Variants in DLGAP1 observed in about 807,000 individuals in gnomAD.
DLGAP1 encodes DLG associated protein 1.
In DLGAP1, 11 loss-of-function variants were observed where a neutral mutation model predicts 90.8. The observed-to-expected ratio is 0.12, with a 90% CI of 0.08 to 0.20. The LOEUF is 0.20. DLGAP1 is among the 10% of genes least tolerant of loss of function. The pLI, the probability that DLGAP1 is intolerant of heterozygous loss-of-function variation, is 1.00. For missense variants in DLGAP1, 1,050 were observed against 1,333.8 expected (o/e 0.79, Z 3.31); for synonymous variants, 558 against 540.7 (o/e 1.03, Z -0.44).
At chr18:4,333,623 A>T (rs1428896445) in intron 1 of DLGAP1, among the ~76,000 whole-genome samples, 2 of 141,106 alleles carry the variant, frequency 1.4e-5, no homozygotes, top group African/African-American at 5.3e-5. Context: ...TATATATATA[A>T]TTTTTTTTTT....
At chr18:3,956,056 C>T (rs2073077292) in intron 3 of DLGAP1, among the ~76,000 whole-genome samples, 1 of 152,094 alleles carries the variant, frequency 6.6e-6, no homozygotes, top group Non-Finnish European at 1.5e-5. Flanking sequence ...TATATATCTA[C>T]CAATCTAAGA....
intron 2 of DLGAP1, among the ~76,000 whole-genome samples, chr18:4,107,809 CCTTTT>C (rs904200203): frequency 1.3e-5 from 2 of 152,076 alleles, no homozygotes; most frequent in African/African-American, 2.4e-5. Flanking sequence ...GATTCTATTT[CCTTTT>C]AAGTTTTTTA....
intron 2 of DLGAP1, among the ~76,000 whole-genome samples, chr18:4,079,131 T>C (rs2075567006): frequency 6.6e-6 from 1 of 152,064 alleles, no homozygotes; most frequent in South Asian, 2.1e-4. Context: ...CCAGCATAGA[T>C]GGGGCAGGCC....
intron 3 of DLGAP1, among the ~76,000 whole-genome samples, chr18:3,954,195 A>C (rs1213002664): frequency 6.6e-6 from 1 of 152,258 alleles, no homozygotes; most frequent in Non-Finnish European, 1.5e-5. Context: ...TTCAAGAATT[A>C]AGAGATCAAG....
intron 1 of DLGAP1, among the ~76,000 whole-genome samples, chr18:4,211,831 A>G (rs561174612): frequency 4.6e-5 from 7 of 152,302 alleles, no homozygotes; most frequent in Non-Finnish European, 7.4e-5. Flanking sequence ...AAGTCACTGT[A>G]GTAATGAAGA....
rs151119162 is a variant in DLGAP1 at position 3,635,505 on chromosome 18, T to G, written c.1592-53257A>C. On this transcript the variant is annotated intron_variant, in intron 7 of 12. Coordinates refer to ENST00000315677, the MANE Select transcript of DLGAP1 (RefSeq NM_004746.4). Reference sequence around the variant, plus strand: ...TCTTGGCCAACTCATTCATTCATTCTTGCAGCAGTGGGTGTGGTGACCTCT... The same window carrying G: ...TCTTGGCCAACTCATTCATTCATTCGTGCAGCAGTGGGTGTGGTGACCTCT... Among the ~76,000 whole-genome samples the G allele has an allele frequency of 6.9e-3, 1,043 of 151,528 alleles. 57 individuals carry two copies. The highest frequency in any genetic ancestry group is 0.043 in the Admixed American group (656 of 15,138).
chr18:4,409,905 C>T lies in DLGAP1; in HGVS notation c.-267+45101G>A, dbSNP rs111577091. 4.5e-3 allele frequency among the ~76,000 whole-genome samples: 687 copies of T among 152,126 alleles called. 5 individuals are homozygous for T. Among genetic ancestry groups the T allele is most frequent in the African/African-American group, 0.016 (658 of 41,492 alleles). On this transcript the variant is annotated intron_variant, in intron 1 of 12. Transcript: ENST00000315677. ...ACAATAGCAAAATTGTGGAACCAAA[C>T]CAATGACCGTCAGTCAACGAGTGGA...
At chr18:3,831,527 T>C (rs141789385) in intron 4 of DLGAP1, among the ~76,000 whole-genome samples, 3 of 152,340 alleles carry the variant, frequency 2.0e-5, no homozygotes, top group East Asian at 3.9e-4. Flanking sequence ...TCTGCCAATA[T>C]AGAATTCTGA....
intron 8 of DLGAP1, among the ~76,000 whole-genome samples, chr18:3,580,984 C>T (rs1231783194): frequency 1.3e-5 from 2 of 152,172 alleles, no homozygotes; most frequent in African/African-American, 4.8e-5. Context: ...TTATTTACGG[C>T]TTTTTGCTGC....
chr18:3,809,527 T>G (rs2066726863), intron 5 of DLGAP1, among the ~76,000 whole-genome samples: 2 of 152,204 alleles, frequency 1.3e-5, no homozygotes, highest in Admixed American at 1.3e-4. Context: ...AGCCTTTTGT[T>G]AGACACTTTA....
chr18:4,368,430 C>T (rs762237378), intron 1 of DLGAP1, among the ~76,000 whole-genome samples: 2 of 152,036 alleles, frequency 1.3e-5, no homozygotes, highest in African/African-American at 2.4e-5. Flanking sequence ...AAAATGTGGG[C>T]GGACCTCATC....
In DLGAP1 at chr18:4,390,675, A is replaced by G. The variant is rs1484601992; in HGVS notation, c.-267+64331T>C. 2.0e-5 allele frequency among the ~76,000 whole-genome samples: 3 copies of G among 151,966 alleles called. No individual in the cohort carries two copies. The East Asian group carries it at 5.8e-4, about 29-fold the overall frequency. On this transcript the variant is annotated intron_variant, in intron 1 of 12. Coordinates refer to ENST00000315677, the MANE Select transcript of DLGAP1 (RefSeq NM_004746.4). ...ACTTAGTACGGATTTAGTTTCCTTCATGTCTTTTTGTGGCTTGATAGCTGA... is the reference window on the plus strand; with the variant it reads ...ACTTAGTACGGATTTAGTTTCCTTCGTGTCTTTTTGTGGCTTGATAGCTGA...
chr18:3,905,512 T>C (rs957400254), intron 3 of DLGAP1, among the ~76,000 whole-genome samples: 1 of 151,420 alleles, frequency 6.6e-6, no homozygotes, highest in East Asian at 1.9e-4. Context: ...ACTTGAGGGG[T>C]ATTCATTACT....
chr18:4,171,555 A>T (rs1350430511), intron 1 of DLGAP1, among the ~76,000 whole-genome samples: 1 of 149,160 alleles, frequency 6.7e-6, no homozygotes, highest in African/African-American at 2.5e-5. Flanking sequence ...ACAGAGCGAG[A>T]CTCCATCTCA....
intron 3 of DLGAP1, among the ~76,000 whole-genome samples, chr18:3,943,653 G>C (rs939880207): frequency 6.6e-6 from 1 of 152,108 alleles, no homozygotes; most frequent in African/African-American, 2.4e-5. Context: ...AAATAAAACA[G>C]CCTATAATTC....
At chr18:3,689,993 G>C (rs1190079117) in intron 7 of DLGAP1, among the ~76,000 whole-genome samples, 6 of 141,412 alleles carry the variant, frequency 4.2e-5, no homozygotes, top group Non-Finnish European at 7.6e-5. Context: ...AGGCCAGCAA[G>C]CCTCCCCCTT....
rs645921 is a variant in DLGAP1 at position 4,383,712 on chromosome 18, A to G, written c.-267+71294T>C. On this transcript the variant is annotated intron_variant, in intron 1 of 12. Coordinates refer to ENST00000315677, the MANE Select transcript of DLGAP1 (RefSeq NM_004746.4). The surrounding 1 kb of genome is among the most constrained non-coding windows in gnomAD (Gnocchi z 4.0). ...TCCTTTTGATAACCCACATAATATGACCATGTGACTGTTTTAAGTAACCAA... is the reference window on the plus strand; with the variant it reads ...TCCTTTTGATAACCCACATAATATGGCCATGTGACTGTTTTAAGTAACCAA... 0.93 allele frequency among the ~76,000 whole-genome samples: 140,947 copies of G among 152,120 alleles called. 66,276 individuals carry two copies. Among genetic ancestry groups the G allele is most frequent in the East Asian group, 1 (5,176 of 5,176 alleles).
At chr18:4,437,160 A>G (rs1334415770) in intron 1 of DLGAP1, among the ~76,000 whole-genome samples, 2 of 152,228 alleles carry the variant, frequency 1.3e-5, no homozygotes. Context: ...CTGAAATTTT[A>G]TGAAGAATAT....
chr18:3,624,320 C>T (rs1250250120), intron 7 of DLGAP1, among the ~76,000 whole-genome samples: 1 of 152,244 alleles, frequency 6.6e-6, no homozygotes, highest in Non-Finnish European at 1.5e-5. Context: ...GACTGTGCCG[C>T]TGAGCACAGG....
Sources: gnomAD v4.1 joint callset for allele counts (sites outside exome capture counted in the v4.1 genomes callset) on GRCh38, gnomAD v4.1.1 for gene constraint, Gnocchi (gnomAD v3.1) non-coding constraint, MANE v1.5 for transcripts, NCBI Gene and HGNC (gene_info 2026-07-23, HGNC 2026-07-21) for gene names.